The following HERC4 variants were observed in gnomAD, a reference collection of about 807,000 sequenced individuals.
HERC4 encodes HECT and RLD domain containing E3 ubiquitin protein ligase 4, also known as probable E3 ubiquitin-protein ligase HERC4.
Under a neutral mutation model 124.3 loss-of-function variants are expected in HERC4, and 28 were observed. That is an observed-to-expected ratio of 0.23 (90% CI 0.17 to 0.31). The LOEUF (loss-of-function observed/expected upper bound fraction) is 0.31, where lower values mean the gene tolerates loss of function less well. Among genes scored for constraint, HERC4 ranks in the 10% least tolerant of loss-of-function variants. The probability of loss-of-function intolerance (pLI) is 1.00; values close to 1 mark genes in which losing one functional copy is unlikely to be tolerated. For synonymous variants in HERC4, 407 were observed against 421.5 expected (o/e 0.97, Z 0.42); for missense variants, 713 against 1,229.3 (o/e 0.58, Z 6.28).
intron 3 of HERC4, among the ~76,000 whole-genome samples, chr10:68,057,758 G>A (rs930667467): frequency 1.9e-4 from 28 of 151,076 alleles, no homozygotes; most frequent in African/African-American, 5.9e-4. Flanking sequence ...CCAGGATAGA[G>A]TGCAGTGGTG....
chr10:68,039,329 A>AG, intron 4 of HERC4: 2 of 1,475,428 alleles, frequency 1.4e-6, no homozygotes, highest in East Asian at 5.0e-5. Context: ...AAAAAAAAAA[A>AG]AAAAAGAAAG....
chr10:67,953,766 C>T (rs1242617587), intron 19 of HERC4, among the ~76,000 whole-genome samples: 1 of 152,094 alleles, frequency 6.6e-6, no homozygotes, highest in Non-Finnish European at 1.5e-5. Context: ...AATTGCACTA[C>T]TAAGGAATCA....
intron 19 of HERC4, among the ~76,000 whole-genome samples, chr10:67,943,332 A>G (rs2033073919): frequency 6.6e-6 from 1 of 152,218 alleles, no homozygotes; most frequent in Non-Finnish European, 1.5e-5. Flanking sequence ...TCCACAGGAA[A>G]AAAGAGAATA....
chr10:68,000,028 T>A (rs1455765150), intron 9 of HERC4, among the ~76,000 whole-genome samples: 1 of 152,216 alleles, frequency 6.6e-6, no homozygotes, highest in Non-Finnish European at 1.5e-5. Context: ...CAAGTCACTT[T>A]TTTTTCTTTT....
At chr10:68,058,330 C>T (rs2133693872) in intron 3 of HERC4, among the ~76,000 whole-genome samples, 1 of 152,080 alleles carries the variant, frequency 6.6e-6, no homozygotes, top group East Asian at 1.9e-4. Flanking sequence ...AGCAGGAAGA[C>T]AACTGTCTGT....
Position 67,954,690 on chromosome 10 carries a change from C to G in HERC4, c.2242G>C (p.Glu748Gln). Residue 748 changes from glutamate to glutamine, a missense_variant, in exon 19 of 25, where the codon GAA becomes CAA. Coordinates refer to ENST00000373700, the MANE Select transcript of HERC4 (RefSeq NM_015601.4). ...DAVDAGGVRK[E>Q]FFLLIMRELL... ...TCCCTCATGATGAGCAAGAAAAATTCTTTGCGCACCCCTCCTGCATCCACA... is the reference window on the plus strand; with the variant it reads ...TCCCTCATGATGAGCAAGAAAAATTGTTTGCGCACCCCTCCTGCATCCACA... 2 of 1,613,662 alleles carry G rather than the reference C, an allele frequency of 1.2e-6. No individual in the cohort carries two copies. Among genetic ancestry groups the G allele is most frequent in the Non-Finnish European group, 1.7e-6 (2 of 1,179,784 alleles).
At chr10:67,959,168 G>T in intron 16 of HERC4, 1 of 1,563,294 alleles carries the variant, frequency 6.4e-7, no homozygotes, top group Non-Finnish European at 8.7e-7. Flanking sequence ...TAACAATAAC[G>T]AGGAAAGAGC....
chr10:67,936,119 AT>A, intron 22 of HERC4, 33 bp downstream of exon 22: 1 of 1,359,332 alleles, frequency 7.4e-7, no homozygotes, highest in Non-Finnish European at 1.0e-6. Flanking sequence ...ACTGAATCTT[AT>A]TACTCCCACT....
intron 22 of HERC4, 28 bp downstream of exon 22, chr10:67,936,125 C>G (rs1355568990): frequency 2.8e-6 from 4 of 1,417,590 alleles, no homozygotes; most frequent in African/African-American, 1.4e-5. Flanking sequence ...TCTTATTACT[C>G]CCACTGTTGC....
chr10:67,937,597 T>C (rs1243999109), intron 21 of HERC4, among the ~76,000 whole-genome samples: 1 of 152,190 alleles, frequency 6.6e-6, no homozygotes, highest in Non-Finnish European at 1.5e-5. Flanking sequence ...TTTTTGTTTT[T>C]TTTAATTTTA....
intron 22 of HERC4, among the ~76,000 whole-genome samples, chr10:67,935,717 G>C (rs1283048625): frequency 6.6e-6 from 1 of 152,126 alleles, no homozygotes; most frequent in Non-Finnish European, 1.5e-5. Flanking sequence ...TTCTGTTGTT[G>C]TTTTAAATCC....
chr10:67,970,591 C>CA (rs34981836), intron 15 of HERC4, among the ~76,000 whole-genome samples: 17,115 of 111,670 alleles, frequency 0.15, 1,107 homozygotes, highest in Middle Eastern at 0.3. Flanking sequence ...GACTCTGTCT[C>CA]AAAAAAAAAA....
At chr10:68,010,308 G>A (rs2037865898) in intron 9 of HERC4, 2 of 951,612 alleles carry the variant, frequency 2.1e-6, no homozygotes, top group African/African-American at 1.6e-5. Context: ...ATAGCCTGGG[G>A]TACCAAAATG....
rs1450486685 is a variant in HERC4, at chr10:68,059,814, ATTATATATCATAATATTATATATTATAAT to A, written c.226+13040_226+13068del. On this transcript the variant is annotated intron_variant, in intron 3 of 24. Transcript: ENST00000373700. ...ATATCATAATATTATATATTATAAT[ATTATATATCATAATATTATATATTATAAT>A]ATATTATATATCATAATATTATATA... Among the ~76,000 whole-genome samples the A allele has an allele frequency of 2.0e-4, 17 of 83,042 alleles. 1 individual carries two copies. Among genetic ancestry groups the A allele is most frequent in the African/African-American group, 1.1e-3 (17 of 14,956 alleles). The allele number at this position is 83,042 out of a possible 152,430, so 54.5% of individuals were successfully genotyped here.
intron 19 of HERC4, among the ~76,000 whole-genome samples, chr10:67,941,669 C>CTT (rs755666986): frequency 0.016 from 1,453 of 91,716 alleles, 200 homozygotes; most frequent in African/African-American, 0.035. Context: ...TAAAACACAA[C>CTT]TTTTTTTTTT....
At position 68,032,826 on chromosome 10, in the gene HERC4, T is replaced by A; in HGVS notation, c.729A>T (p.Lys243Asn). The A allele has an allele frequency of 6.3e-7, 1 of 1,585,996 alleles. No individual in the cohort carries two copies. The highest frequency in any genetic ancestry group is 8.7e-7 in the Non-Finnish European group (1 of 1,154,668). The change falls in exon 7 of 25, where the codon AAA (lysine) becomes AAT (asparagine). Residue 243 changes from lysine to asparagine, a missense_variant. Transcript: ENST00000373700. ...CTTCTCCACAACAAATATAAACTATTTTCTGAGATCTTAGTGACTTTAGTA... is the reference window on the plus strand; with the variant it reads ...CTTCTCCACAACAAATATAAACTATATTCTGAGATCTTAGTGACTTTAGTA... ...PNLLKSLRSQ[K>N]IVYICCGEDH... is the part of the protein sequence containing the mutation.
At chr10:68,061,488 G>A (rs139043842) in intron 3 of HERC4, among the ~76,000 whole-genome samples, 3 of 133,830 alleles carry the variant, frequency 2.2e-5, no homozygotes, top group East Asian at 5.1e-4. Context: ...AGCCGCAATC[G>A]CGCCACTGCA....
rs578139860 is a variant in HERC4, at chr10:68,039,360, G to A, written c.387-1191C>T. On this transcript the variant is annotated intron_variant, in intron 4 of 24. Coordinates refer to ENST00000373700, the MANE Select transcript of HERC4 (RefSeq NM_015601.4). ...GAAAGAAAGAAAAGAAAAAACGGGG[G>A]ATGGGGAGGTACACAATATGTTTCT... The A allele has an allele frequency of 1.2e-4, 181 of 1,502,646 alleles. No individual in the cohort carries two copies. In the African/African-American group the frequency reaches 2.1e-3, roughly 18 times the overall value. The allele number at this position is 1,502,646 out of a possible 1,614,324, so 93.1% of individuals were successfully genotyped here.
intron 7 of HERC4, among the ~76,000 whole-genome samples, chr10:68,029,925 A>G (rs2039111459): frequency 6.6e-6 from 1 of 151,134 alleles, no homozygotes; most frequent in Admixed American, 6.6e-5. Context: ...TTTTTAGTAG[A>G]GACAGAGTTT....
Sources: allele counts gnomAD v4.1 joint callset (sites outside exome capture counted in the v4.1 genomes callset), GRCh38; gene constraint gnomAD v4.1.1; transcripts MANE v1.5; gene names NCBI Gene and HGNC (gene_info 2026-07-23, HGNC 2026-07-21).